RNF220: variants seen among roughly 807,000 people sequenced by gnomAD.
RNF220 encodes E3 ubiquitin-protein ligase RNF220.
In RNF220, 7 loss-of-function variants were observed where a neutral mutation model predicts 67.1. The observed-to-expected ratio is 0.10, with a 90% CI of 0.06 to 0.20. RNF220 has a LOEUF of 0.20. Ranked by LOEUF, RNF220 falls within the 10% of genes least tolerant of loss-of-function variation. RNF220 has a pLI of 1.00. For synonymous variants in RNF220, 270 were observed against 283.2 expected, an observed-to-expected ratio of 0.95 and a Z score of 0.47; for missense variants, 565 against 740.3, an observed-to-expected ratio of 0.76 and a Z score of 2.75.
At chr1:44,640,318 A>G (rs1311261998) in intron 8 of RNF220, among the ~76,000 whole-genome samples, 1 of 152,206 alleles carries the variant, frequency 6.6e-6, no homozygotes, top group Non-Finnish European at 1.5e-5. Flanking sequence ...TTGGAACAGC[A>G]CACTGCTGGA....
chr1:44,429,254 GA>G (rs955723259), intron 2 of RNF220, among the ~76,000 whole-genome samples: 3 of 151,556 alleles, frequency 2.0e-5, no homozygotes, highest in South Asian at 2.1e-4. Flanking sequence ...ATGGAATGTA[GA>G]AAAAAAATAA....
chr1:44,557,891 C>G (rs1488030115), intron 2 of RNF220, among the ~76,000 whole-genome samples: 1 of 152,356 alleles, frequency 6.6e-6, no homozygotes, highest in East Asian at 1.9e-4. Flanking sequence ...GGTGGTGAGT[C>G]ATCGACCCTT....
rs1226223631 is a variant in RNF220, at chr1:44,649,018, G to C, written c.1446-643G>C. The C allele has an allele frequency of 1.3e-5, 2 of 155,654 alleles. No individual in the cohort carries two copies. The highest frequency in any genetic ancestry group is 2.8e-5 in the Non-Finnish European group (2 of 70,198). 9.6% of individuals were successfully genotyped at this position (155,654 alleles called of 1,614,324 possible). On this transcript the variant is annotated intron_variant, in intron 12 of 14. Coordinates refer to ENST00000361799, the MANE Select transcript of RNF220 (RefSeq NM_018150.4). This position sits in a 1 kb window ranked among gnomAD's most constrained non-coding sequence, Gnocchi z 5.9. ...GGCAGAGCTAGTGAGTCAGGCGAGG[G>C]GGTGCAGAGGGATCACAGTGCAGAG...
chr1:44,569,242 A>G (rs374759878), intron 2 of RNF220, among the ~76,000 whole-genome samples: 2 of 152,152 alleles, frequency 1.3e-5, no homozygotes, highest in African/African-American at 4.8e-5. Context: ...AAAAATTATT[A>G]TAAAGAATTA....
Position 44,493,219 on chromosome 1 carries a change from T to C in RNF220, c.625+80497T>C, listed in dbSNP as rs909668116. On this transcript the variant is annotated intron_variant, in intron 2 of 14. Coordinates refer to ENST00000361799, the MANE Select transcript of RNF220 (RefSeq NM_018150.4). ...CTTCAGGCTATGTGTGTAAGGTATA[T>C]GTAAAACATAAATGGGCCTGGAGCA... Among the ~76,000 whole-genome samples, 14 of 152,234 alleles carry C rather than the reference T, an allele frequency of 9.2e-5. 1 individual carries two copies. Among genetic ancestry groups the C allele is most frequent in the Non-Finnish European group, 1.6e-4 (11 of 68,026 alleles).
At chr1:44,603,385 G>A (rs270742) in intron 2 of RNF220, among the ~76,000 whole-genome samples, 148,209 of 152,306 alleles carry the variant, frequency 0.97, 72,267 homozygotes, top group Non-Finnish European at 1. Flanking sequence ...CCCGGGCTAC[G>A]GTGGGCCAGG....
At chr1:44,648,593 C>T (rs1644710213) in intron 12 of RNF220, 1 of 152,214 alleles carries the variant, frequency 6.6e-6, no homozygotes, top group Admixed American at 6.5e-5. Flanking sequence ...CAGGAGGGAC[C>T]TTCAGGTGCA....
chr1:44,624,659 T>C lies in RNF220; in HGVS notation c.805-1638T>C, dbSNP rs1461719010. On this transcript the variant is annotated intron_variant, in intron 4 of 14. Coordinates refer to ENST00000361799, the MANE Select transcript of RNF220 (RefSeq NM_018150.4). This position sits in a 1 kb window ranked among gnomAD's most constrained non-coding sequence, Gnocchi z 4.2. ...GAGAGAGAAGGTTCAAGCAAGAGAC[T>C]GAAAGGACAGGGAGAAGGAGGGAGG... Among the ~76,000 whole-genome samples, 1 of 151,558 alleles carries C rather than the reference T, an allele frequency of 6.6e-6. No homozygotes were observed. Among genetic ancestry groups the C allele is most frequent in the Non-Finnish European group, 1.5e-5 (1 of 67,936 alleles).
intron 1 of RNF220, among the ~76,000 whole-genome samples, chr1:44,410,954 G>A (rs781098027): frequency 1.3e-5 from 2 of 152,130 alleles, no homozygotes; most frequent in African/African-American, 2.4e-5. Flanking sequence ...AATTTACAAG[G>A]GAAACTGAAA....
intron 5 of RNF220, among the ~76,000 whole-genome samples, chr1:44,629,072 G>A (rs528157899): frequency 2.0e-5 from 3 of 152,204 alleles, no homozygotes; most frequent in Non-Finnish European, 4.4e-5. Flanking sequence ...TGGCCTCACC[G>A]CATGTTTGGG....
chr1:44,468,617 G>T (rs922062095), intron 2 of RNF220, among the ~76,000 whole-genome samples: 2 of 152,070 alleles, frequency 1.3e-5, no homozygotes, highest in African/African-American at 2.4e-5. Flanking sequence ...GTTCCATGTA[G>T]AATAGAATTC....
chr1:44,491,379 TA>T (rs915635845), intron 2 of RNF220, among the ~76,000 whole-genome samples: 2 of 151,814 alleles, frequency 1.3e-5, no homozygotes, highest in African/African-American at 2.4e-5. Context: ...CAGTGACGTA[TA>T]AAAAAAATTA....
intron 2 of RNF220, among the ~76,000 whole-genome samples, chr1:44,546,688 C>A (rs1030242649): frequency 6.6e-6 from 1 of 152,184 alleles, no homozygotes; most frequent in Non-Finnish European, 1.5e-5. Flanking sequence ...CGAGCTCTGG[C>A]TCTGAAAAGT....
chr1:44,469,488 CT>C (rs1654599902), intron 2 of RNF220, among the ~76,000 whole-genome samples: 2 of 152,316 alleles, frequency 1.3e-5, no homozygotes, highest in East Asian at 1.9e-4. Flanking sequence ...AACCTCCCCC[CT>C]AATACATTTC....
intron 2 of RNF220, among the ~76,000 whole-genome samples, chr1:44,505,854 C>G (rs1020731712): frequency 8.6e-5 from 13 of 152,046 alleles, no homozygotes; most frequent in Admixed American, 3.9e-4. Context: ...CCTCTTTCTT[C>G]GTTTCTCCCT....
intron 2 of RNF220, among the ~76,000 whole-genome samples, chr1:44,508,810 CTGTT>C (rs1002858692): frequency 1.3e-5 from 2 of 152,208 alleles, no homozygotes; most frequent in African/African-American, 4.8e-5. Context: ...ACCATAATGA[CTGTT>C]TGTACCTGAA....
intron 2 of RNF220, among the ~76,000 whole-genome samples, chr1:44,490,984 A>C (rs1423828817): frequency 6.6e-6 from 1 of 152,218 alleles, no homozygotes; most frequent in Non-Finnish European, 1.5e-5. Flanking sequence ...TAGATAAATC[A>C]GATAAAATGA....
intron 2 of RNF220, among the ~76,000 whole-genome samples, chr1:44,541,910 T>A (rs1032553726): frequency 2.6e-5 from 4 of 152,238 alleles, no homozygotes; most frequent in African/African-American, 4.8e-5. Context: ...AGATTCCTCT[T>A]AAGAAAAATT....
intron 2 of RNF220, among the ~76,000 whole-genome samples, chr1:44,420,717 G>A (rs976770276): frequency 2.6e-5 from 4 of 152,132 alleles, no homozygotes; most frequent in African/African-American, 9.7e-5. Flanking sequence ...CTGATACTGG[G>A]CAGGTTACCT....
Sources: gnomAD v4.1 joint callset for allele counts (sites outside exome capture counted in the v4.1 genomes callset) on GRCh38, gnomAD v4.1.1 for gene constraint, Gnocchi (gnomAD v3.1) non-coding constraint, MANE v1.5 for transcripts, NCBI Gene and HGNC (gene_info 2026-07-23, HGNC 2026-07-21) for gene names.